The following KMT2B variants were observed in gnomAD, a reference collection of about 807,000 sequenced individuals.
KMT2B encodes histone-lysine N-methyltransferase 2B.
Under a neutral mutation model 255.3 loss-of-function variants are expected in KMT2B, and 22 were observed. The ratio of observed to expected loss-of-function variants is 0.09; its 90% CI spans 0.06 to 0.12. KMT2B has a LOEUF of 0.12. Among genes scored for constraint, KMT2B ranks in the 10% least tolerant of loss-of-function variants. The pLI, the probability that KMT2B is intolerant of heterozygous loss-of-function variation, is 1.00. For synonymous variants in KMT2B, 1,730 were observed against 1,498.1 expected (o/e 1.15, Z -3.57); for missense variants, 3,149 against 3,737.0 (o/e 0.84, Z 4.10).
Position 35,721,105 on chromosome 19 carries a change from C to T in KMT2B, c.1758C>T (p.Ala586=), listed in dbSNP as rs753586954. 15 of 1,610,490 alleles carry T rather than the reference C, an allele frequency of 9.3e-6. No individual in the cohort carries two copies. In the South Asian group the frequency reaches 1.7e-4, roughly 18 times the overall value. Residue 586 remains alanine (A), a synonymous_variant, in exon 3 of 37, where the codon GCC becomes GCT. Transcript: ENST00000420124. ...EPAPVPSPPR[A]PTPPSTPVPL... is the part of the protein sequence containing the mutation. Reference sequence around the variant, plus strand: ...CACCAGTCCCCTCTCCACCACGTGCCCCAACTCCTCCATCTACCCCAGTTC... The same window carrying T: ...CACCAGTCCCCTCTCCACCACGTGCTCCAACTCCTCCATCTACCCCAGTTC...
In KMT2B at chr19:35,720,864, C is replaced by A; in HGVS notation, c.1517C>A (p.Pro506His). The A allele has an allele frequency of 6.3e-7, 1 of 1,586,112 alleles. No homozygotes were observed. Among genetic ancestry groups the A allele is most frequent in the Non-Finnish European group, 8.6e-7 (1 of 1,166,708 alleles). ...ACCCCCAGCACCGCCACGGGAGGCC[C>A]TCCGGAAGACAGTCCCACCGTGGCC... The part of the protein sequence containing the change: ...TPTPSTATGG[P>H]PEDSPTVAPK... Residue 506 changes from proline to histidine, a missense_variant, in exon 3 of 37, where the codon CCT becomes CAT. Coordinates refer to ENST00000420124, the MANE Select transcript of KMT2B (RefSeq NM_014727.3).
chr19:35,718,016 A>G lies in KMT2B; in HGVS notation c.-3A>G. 2.0e-6 allele frequency: 2 copies of G among 984,908 alleles called. No homozygotes were observed. Among genetic ancestry groups the G allele is most frequent in the Non-Finnish European group, 2.4e-6 (2 of 830,718 alleles). The allele number at this position is 984,908 out of a possible 1,614,324, so 61.0% of individuals were successfully genotyped here. On this transcript the variant is annotated 5_prime_UTR_variant, in exon 1 of 37. Transcript: ENST00000420124. The surrounding 1 kb of genome is among the most constrained non-coding windows in gnomAD (Gnocchi z 5.0). ...CCTCCCCGGCCCCTCTCACGGTGCC[A>G]AGATGGCGGCGGCGGCGGGCGGCGG...
Position 35,725,951 on chromosome 19 carries a change from C to T in KMT2B, c.3885+133C>T. 1 of 782,950 alleles carries T rather than the reference C, an allele frequency of 1.3e-6. No homozygotes were observed. Among genetic ancestry groups the T allele is most frequent in the Non-Finnish European group, 2.1e-6 (1 of 477,184 alleles). 48.5% of individuals were successfully genotyped at this position (782,950 alleles called of 1,614,324 possible). A position where few individuals can be genotyped will look rare whatever the true frequency, so the allele number is the denominator to read the frequency against. The stretch of plus-strand genomic sequence containing the variant: ...CTTAAGAATTGATTAGTAATGTTTC[C>T]TCTTCAAAAATTTCACATAGGTCAG... On this transcript the variant is annotated intron_variant, in intron 13 of 36. Coordinates refer to ENST00000420124, the MANE Select transcript of KMT2B (RefSeq NM_014727.3). This position sits in a 1 kb window ranked among gnomAD's most constrained non-coding sequence, Gnocchi z 4.1.
chr19:35,722,542 C>T, intron 4 of KMT2B, 26 bp from the exon 5 acceptor site: 2 of 1,595,528 alleles, frequency 1.3e-6, no homozygotes, highest in Non-Finnish European at 1.7e-6. Flanking sequence ...GCAAGCTGCC[C>T]ACACACACTC....
Position 35,737,723 on chromosome 19 carries a change from G to T in KMT2B, c.7638G>T (p.Glu2546Asp). 1 of 1,582,476 alleles carries T rather than the reference G, an allele frequency of 6.3e-7. No individual in the cohort carries two copies. The highest frequency in any genetic ancestry group is 8.6e-7 in the Non-Finnish European group (1 of 1,163,970). Reference sequence around the variant, plus strand: ...CCACCTGTGATGAGGAAGAGGATGAGGTGCAGCTCAGGTCAACCAGGTATG... The same window carrying T: ...CCACCTGTGATGAGGAAGAGGATGATGTGCAGCTCAGGTCAACCAGGTATG... ...EGATCDEEED[E>D]VQLRSTRRAT... is the part of the protein sequence containing the mutation. Residue 2546 changes from glutamate (E) to aspartate (D), a missense_variant, in exon 34 of 37, where the codon GAG becomes GAT. Physicochemically the swap from Glu to Asp is conservative, Grantham distance 45. Coordinates refer to ENST00000420124, the MANE Select transcript of KMT2B (RefSeq NM_014727.3). The surrounding 1 kb of genome is among the most constrained non-coding windows in gnomAD (Gnocchi z 5.3).
rs777643588 is a variant in KMT2B, at chr19:35,727,924, C to T, written c.4436C>T (p.Ser1479Leu). ...ATGGTGGGCATCCTCATGCGGCACT[C>T]GGAGGAGGGAGAGACCCCGGACCGC... ...EDMVGILMRH[S>L]EEGETPDRRA... The change falls in exon 18 of 37, where the codon TCG (serine) becomes TTG (leucine). Residue 1479 changes from serine to leucine, a missense_variant. By Grantham distance (145) the Ser-to-Leu change is moderately radical. This residue lies in a region of KMT2B where 377 missense variants were observed against 471.0 expected (regional missense o/e 0.80). Coordinates refer to ENST00000420124, the MANE Select transcript of KMT2B (RefSeq NM_014727.3). The surrounding 1 kb of genome is among the most constrained non-coding windows in gnomAD (Gnocchi z 4.2). 60 of 1,599,672 alleles carry T rather than the reference C, an allele frequency of 3.8e-5. No individual in the cohort carries two copies. Among genetic ancestry groups the T allele is most frequent in the Non-Finnish European group, 4.8e-5 (56 of 1,171,584 alleles).
Position 35,738,656 on chromosome 19 carries a change from A to AC in KMT2B, c.*104dup, listed in dbSNP as rs1195753299. On this transcript the variant is annotated 3_prime_UTR_variant, in exon 37 of 37. Coordinates refer to ENST00000420124, the MANE Select transcript of KMT2B (RefSeq NM_014727.3). The surrounding 1 kb of genome is among the most constrained non-coding windows in gnomAD (Gnocchi z 8.7). Reference sequence around the variant, plus strand: ...TCCCTAGCCCCTCCCAGAGCATCTCACCCCCACCCTCATGTTCAGGGTGGA... The same window carrying AC: ...TCCCTAGCCCCTCCCAGAGCATCTCACCCCCCACCCTCATGTTCAGGGTGGA... 7.5e-7 allele frequency: 1 copy of AC among 1,327,400 alleles called. No individual in the cohort carries two copies. The highest frequency in any genetic ancestry group is 1.5e-5 in the African/African-American group (1 of 67,844). The allele number at this position is 1,327,400 out of a possible 1,614,324, so 82.2% of individuals were successfully genotyped here.
Position 35,718,363 on chromosome 19 carries a change from C to T in KMT2B, c.345C>T (p.Asp115=), listed in dbSNP as rs1969039810. The part of the protein sequence containing the change: ...RGCVPEEESS[D]GESDEEEFQG... ...GCGTGCCGGAGGAGGAGAGCAGTGACGGGGAATCCGACGAGGAGGTGAGGC... is the reference window on the plus strand; with the variant it reads ...GCGTGCCGGAGGAGGAGAGCAGTGATGGGGAATCCGACGAGGAGGTGAGGC... The change falls in exon 1 of 37, where the codon GAC becomes GAT. Residue 115 remains aspartate, a synonymous_variant. Transcript: ENST00000420124. The surrounding 1 kb of genome is among the most constrained non-coding windows in gnomAD (Gnocchi z 5.0). The T allele has an allele frequency of 3.2e-6, 4 of 1,268,760 alleles. No individual in the cohort carries two copies. The highest frequency in any genetic ancestry group is 3.8e-5 in the South Asian group (1 of 26,586). The allele number at this position is 1,268,760 out of a possible 1,614,324, so 78.6% of individuals were successfully genotyped here.
At chr19:35,722,315 C>A in intron 3 of KMT2B, 44 bp from the exon 4 acceptor site, 1 of 1,544,430 alleles carries the variant, frequency 6.5e-7, no homozygotes, top group Non-Finnish European at 8.7e-7. Context: ...CTGTCCCTAT[C>A]TTTCCTCACT....
chr19:35,728,016 G>A lies in KMT2B; in HGVS notation c.4497+31G>A, dbSNP rs371173473. 101 of 1,547,750 alleles carry A rather than the reference G, an allele frequency of 6.5e-5. No individual in the cohort carries two copies. The African/African-American group carries it at 1.2e-3, about 19-fold the overall frequency. Reference sequence around the variant, plus strand: ...CTCTTCCGGGGATGCTTGTGGGGTGGGGGAGTGGGACCTTCAGACCCTGCC... The same window carrying A: ...CTCTTCCGGGGATGCTTGTGGGGTGAGGGAGTGGGACCTTCAGACCCTGCC... On this transcript the variant is annotated intron_variant, in intron 18 of 36. Transcript: ENST00000420124.
At position 35,727,098 on chromosome 19, in the gene KMT2B, C is replaced by T; in HGVS notation, c.4004-58C>T. 5.7e-6 allele frequency: 7 copies of T among 1,227,846 alleles called. No individual in the cohort carries two copies. The highest frequency in any genetic ancestry group is 1.9e-4 in the Middle Eastern group (1 of 5,336). The allele number at this position is 1,227,846 out of a possible 1,614,324, so 76.1% of individuals were successfully genotyped here. On this transcript the variant is annotated intron_variant, in intron 14 of 36. Transcript: ENST00000420124. This position sits in a 1 kb window ranked among gnomAD's most constrained non-coding sequence, Gnocchi z 4.2. ...GGTACTGCTAATCCTTGAACAGAGA[C>T]ACTCAGGGCTGAGTGGGAACTCCAG...
chr19:35,732,643 T>G lies in KMT2B; in HGVS notation c.6094T>G (p.Ser2032Ala). The G allele has an allele frequency of 1.2e-6, 2 of 1,610,276 alleles. No individual in the cohort carries two copies. The highest frequency in any genetic ancestry group is 1.7e-6 in the Non-Finnish European group (2 of 1,178,470). Reference sequence around the variant, plus strand: ...CTCCGAGGAGGAGTCCAGCCCCACCTCCCGCTACATCCACTTCCCTGTGAC... The same window carrying G: ...CTCCGAGGAGGAGTCCAGCCCCACCGCCCGCTACATCCACTTCCCTGTGAC... Reference protein sequence around the residue: ...DSSEEESSPTSRYIHFPVTVV... With the variant: ...DSSEEESSPTARYIHFPVTVV... The change falls in exon 28 of 37, where the codon TCC (serine) becomes GCC (alanine). Residue 2032 changes from serine to alanine, a missense_variant. By Grantham distance (99) the Ser-to-Ala change is moderately conservative. Coordinates refer to ENST00000420124, the MANE Select transcript of KMT2B (RefSeq NM_014727.3).
rs1169123831 is a variant in KMT2B, at chr19:35,721,142, A to G, written c.1795A>G (p.Lys599Glu). The change falls in exon 3 of 37, where the codon AAG becomes GAG. Residue 599 changes from lysine to glutamate, a missense_variant. This residue lies in a region of KMT2B where 1,188 missense variants were observed against 1,106.4 expected (regional missense o/e 1.07). Coordinates refer to ENST00000420124, the MANE Select transcript of KMT2B (RefSeq NM_014727.3). Reference protein sequence around the residue: ...PPSTPVPLPEKRRSILREPTF... With the variant: ...PPSTPVPLPEERRSILREPTF... The stretch of plus-strand genomic sequence containing the variant: ...ATCTACCCCAGTTCCACTCCCTGAG[A>G]AGAGACGGTCCATCCTAAGGGAACC... 6.2e-7 allele frequency: 1 copy of G among 1,600,146 alleles called. No homozygotes were observed. Among genetic ancestry groups the G allele is most frequent in the Non-Finnish European group, 8.5e-7 (1 of 1,174,692 alleles).
Position 35,721,446 on chromosome 19 carries a change from A to G in KMT2B, c.2099A>G (p.Asn700Ser). Residue 700 changes from asparagine (N) to serine (S), a missense_variant, in exon 3 of 37, where the codon AAC becomes AGC. Coordinates refer to ENST00000420124, the MANE Select transcript of KMT2B (RefSeq NM_014727.3). ...GAGCCTCGGGCAGTGGGCCGCACCAACCACCTCAGCCTGCCTCGATTCGCC... is the reference window on the plus strand; with the variant it reads ...GAGCCTCGGGCAGTGGGCCGCACCAGCCACCTCAGCCTGCCTCGATTCGCC... Reference protein sequence around the residue: ...EPEPRAVGRTNHLSLPRFAPV... With the variant: ...EPEPRAVGRTSHLSLPRFAPV... The G allele has an allele frequency of 2.5e-6, 4 of 1,612,134 alleles. No homozygotes were observed. Among genetic ancestry groups the G allele is most frequent in the Non-Finnish European group, 3.4e-6 (4 of 1,179,704 alleles).
Position 35,721,693 on chromosome 19 carries a change from C to G in KMT2B, c.2346C>G (p.Ser782=). 1 of 1,610,990 alleles carries G rather than the reference C, an allele frequency of 6.2e-7. No individual in the cohort carries two copies. Among genetic ancestry groups the G allele is most frequent in the East Asian group, 2.2e-5 (1 of 44,714 alleles). The part of the protein sequence containing the change: ...LEKARIAGVG[S]LPLSGVEEKM... Reference sequence around the variant, plus strand: ...AAGCCCGGATTGCGGGCGTGGGTTCCTTGCCGCTGTCTGGGGTAGAGGAGA... The same window carrying G: ...AAGCCCGGATTGCGGGCGTGGGTTCGTTGCCGCTGTCTGGGGTAGAGGAGA... The change falls in exon 3 of 37, where the codon TCC becomes TCG. Residue 782 remains serine (S), a synonymous_variant. Coordinates refer to ENST00000420124, the MANE Select transcript of KMT2B (RefSeq NM_014727.3).
rs1321443826 is a variant in KMT2B, at chr19:35,732,715, C to T, written c.6166C>T (p.Pro2056Ser). The stretch of plus-strand genomic sequence containing the variant: ...GGCCCCCAGCGCTACCCCTGGAGCC[C>T]CCCGCATTGAACAGCTGGACGGCGT... ...GLAPSATPGA[P>S]RIEQLDGVDD... Residue 2056 changes from proline (P) to serine (S), a missense_variant, in exon 28 of 37, where the codon CCC becomes TCC. This residue lies in a region of KMT2B where 897 missense variants were observed against 825.3 expected (regional missense o/e 1.09). Transcript: ENST00000420124. 2 of 1,609,882 alleles carry T rather than the reference C, an allele frequency of 1.2e-6. No homozygotes were observed. The highest frequency in any genetic ancestry group is 1.1e-5 in the South Asian group (1 of 90,504).
At chr19:35,735,344 A>T (rs1484546640) in intron 30 of KMT2B, 1 of 152,254 alleles carries the variant, frequency 6.6e-6, no homozygotes, top group Admixed American at 6.5e-5. Context: ...CCCAGTGGTC[A>T]GTCCCCAGCC....
Position 35,736,997 on chromosome 19 carries a change from G to A in KMT2B, c.7372+11G>A. 1.2e-6 allele frequency: 2 copies of A among 1,612,668 alleles called. No individual in the cohort carries two copies. The highest frequency in any genetic ancestry group is 8.5e-7 in the Non-Finnish European group (1 of 1,179,250). On this transcript the variant is annotated intron_variant, in intron 32 of 36. Transcript: ENST00000420124. Reference sequence around the variant, plus strand: ...ATCTCTCCTTTAGTGGTAAGGAGTGGGCCCCACAGGGGGCAGGGAGCTGGA... The same window carrying A: ...ATCTCTCCTTTAGTGGTAAGGAGTGAGCCCCACAGGGGGCAGGGAGCTGGA...
Position 35,730,524 on chromosome 19 carries a change from G to C in KMT2B, c.5198-14G>C, listed in dbSNP as rs775117110. On this transcript the variant is annotated splice_polypyrimidine_tract_variant and intron_variant, in intron 24 of 36. Coordinates refer to ENST00000420124, the MANE Select transcript of KMT2B (RefSeq NM_014727.3). The stretch of plus-strand genomic sequence containing the variant: ...GTCCTGCCTGCCTCTCCTGACCTCC[G>C]CTTTGCACCACAGGTTCCATCCGCA... 6.2e-7 allele frequency: 1 copy of C among 1,613,922 alleles called. No individual in the cohort carries two copies. The highest frequency in any genetic ancestry group is 1.3e-5 in the African/African-American group (1 of 75,026).
Sources: gnomAD v4.1 joint callset for allele counts on GRCh38, gnomAD v4.1.1 for gene constraint, gnomAD v4.1.1 regional missense constraint, Gnocchi (gnomAD v3.1) non-coding constraint, MANE v1.5 for transcripts, NCBI Gene and HGNC (gene_info 2026-07-23, HGNC 2026-07-21) for gene names.